MYOZ2: variants seen among roughly 807,000 people sequenced by gnomAD.
MYOZ2 encodes myozenin 2.
MYOZ2 carries 19 observed loss-of-function variants against 25.4 expected under a neutral mutation model. That is an observed-to-expected ratio of 0.75 (90% CI 0.52 to 1.10). The LOEUF (loss-of-function observed/expected upper bound fraction) is 1.10, where lower values mean the gene tolerates loss of function less well. MYOZ2 is among the 50% of genes least tolerant of loss of function. MYOZ2 has a pLI of 0.00. For synonymous variants in MYOZ2, 92 were observed against 106.9 expected (o/e 0.86, Z 0.86); for missense variants, 270 against 317.9 (o/e 0.85, Z 1.15).
intron 3 of MYOZ2, among the ~76,000 whole-genome samples, chr4:119,156,267 A>G (rs181024611): frequency 2.0e-5 from 3 of 151,812 alleles, no homozygotes; most frequent in African/African-American, 7.2e-5. Context: ...GATCAAAGGT[A>G]GAAAGGTGGA....
intron 5 of MYOZ2, among the ~76,000 whole-genome samples, chr4:119,178,695 C>T (rs571826458): frequency 6.6e-6 from 1 of 152,272 alleles, no homozygotes; most frequent in East Asian, 1.9e-4. Context: ...CAATCTCTGC[C>T]TCCTGGATTC....
intron 5 of MYOZ2, among the ~76,000 whole-genome samples, chr4:119,167,510 C>G (rs1299425229): frequency 6.6e-6 from 1 of 152,148 alleles, no homozygotes; most frequent in Non-Finnish European, 1.5e-5. Context: ...AGCAAATTAT[C>G]CAGAAGATCT....
Position 119,151,590 on chromosome 4 carries a change from G to A in MYOZ2, c.246+549G>A, listed in dbSNP as rs11728111. Among the ~76,000 whole-genome samples the A allele has an allele frequency of 5.5e-3, 839 of 152,134 alleles. 1 individual carries two copies. The highest frequency in any genetic ancestry group is 8.8e-3 in the Non-Finnish European group (595 of 67,994). On this transcript the variant is annotated intron_variant, in intron 3 of 5. Coordinates refer to ENST00000307128, the MANE Select transcript of MYOZ2 (RefSeq NM_016599.5). ...TGGACAGAGATTTCCCCAACTCAAA[G>A]CTAATAAACAAACAAAAATTAAACT...
At chr4:119,167,872 T>C (rs1244619260) in intron 5 of MYOZ2, among the ~76,000 whole-genome samples, 1 of 152,264 alleles carries the variant, frequency 6.6e-6, no homozygotes, top group Admixed American at 6.5e-5. Flanking sequence ...TCTTGAGACC[T>C]ATTGCTCAGA....
intron 3 of MYOZ2, among the ~76,000 whole-genome samples, chr4:119,151,653 A>G (rs1741452261): frequency 6.6e-6 from 1 of 152,196 alleles, no homozygotes; most frequent in Non-Finnish European, 1.5e-5. Flanking sequence ...ATTCACTTAA[A>G]CTGTCATTTA....
chr4:119,165,523 TAAATA>T (rs1741804410), intron 5 of MYOZ2, among the ~76,000 whole-genome samples: 2 of 151,768 alleles, frequency 1.3e-5, no homozygotes, highest in South Asian at 2.1e-4. Flanking sequence ...AAATAATAAA[TAAATA>T]AAATAAATAA....
chr4:119,166,600 A>G (rs1171100344), intron 5 of MYOZ2, among the ~76,000 whole-genome samples: 2 of 152,192 alleles, frequency 1.3e-5, no homozygotes, highest in South Asian at 2.1e-4. Context: ...TTAAAAAACA[A>G]CTAAACAGTA....
At chr4:119,151,133 T>C in intron 3 of MYOZ2, 92 bp downstream of exon 3, 1 of 1,313,048 alleles carries the variant, frequency 7.6e-7, no homozygotes, top group African/African-American at 1.5e-5. Context: ...GTATTCTATA[T>C]ATTTTCTTTC....
At chr4:119,174,483 T>C (rs1246640518) in intron 5 of MYOZ2, among the ~76,000 whole-genome samples, 2 of 151,790 alleles carry the variant, frequency 1.3e-5, no homozygotes, top group African/African-American at 2.4e-5. Context: ...GCACCCTGTG[T>C]TTAGCTTAGG....
intron 3 of MYOZ2, 143 bp downstream of exon 3, chr4:119,151,184 T>A: frequency 1.2e-6 from 1 of 851,460 alleles, no homozygotes; most frequent in Non-Finnish European, 1.8e-6. Context: ...TCATAATGAA[T>A]AGTTTAGGTG....
intron 4 of MYOZ2, among the ~76,000 whole-genome samples, chr4:119,158,646 T>C (rs1741640089): frequency 6.6e-6 from 1 of 152,194 alleles, no homozygotes; most frequent in Admixed American, 6.5e-5. Context: ...TAGCCATACG[T>C]TCTTTGTTTT....
intron 5 of MYOZ2, among the ~76,000 whole-genome samples, chr4:119,173,902 C>CCGGGGCAATGAGGGA (rs1741996827): frequency 6.6e-6 from 1 of 152,348 alleles, no homozygotes; most frequent in African/African-American, 2.4e-5. Context: ...CCCTGCCGGC[C>CCGGGGCAATGAGGGA]CGGGGCAATG....
At chr4:119,141,168 C>G (rs1392959181) in intron 2 of MYOZ2, among the ~76,000 whole-genome samples, 1 of 152,106 alleles carries the variant, frequency 6.6e-6, no homozygotes, top group African/African-American at 2.4e-5. Flanking sequence ...AATCAATAAG[C>G]CCACCCTAAA....
intron 5 of MYOZ2, among the ~76,000 whole-genome samples, chr4:119,177,442 T>A (rs1164110398): frequency 6.6e-6 from 1 of 152,182 alleles, no homozygotes; most frequent in African/African-American, 2.4e-5. Context: ...AAGACAATTT[T>A]CTAGGACAAT....
chr4:119,179,331 A>G (rs1305846002), intron 5 of MYOZ2, among the ~76,000 whole-genome samples: 1 of 152,164 alleles, frequency 6.6e-6, no homozygotes, highest in Non-Finnish European at 1.5e-5. Flanking sequence ...TTTTCAGCAG[A>G]TCATTCCTTC....
At chr4:119,140,695 C>T (rs1393110439) in intron 2 of MYOZ2, among the ~76,000 whole-genome samples, 2 of 152,156 alleles carry the variant, frequency 1.3e-5, no homozygotes, top group Non-Finnish European at 2.9e-5. Flanking sequence ...TCCTAACTTT[C>T]TTTGAAGGCT....
chr4:119,162,887 A>G (rs1050993991), intron 4 of MYOZ2, among the ~76,000 whole-genome samples: 10 of 152,232 alleles, frequency 6.6e-5, no homozygotes, highest in Non-Finnish European at 1.0e-4. Flanking sequence ...AATATATTAG[A>G]AAATGGCTAC....
chr4:119,155,446 A>C (rs2149222710), intron 3 of MYOZ2, among the ~76,000 whole-genome samples: 1 of 152,314 alleles, frequency 6.6e-6, no homozygotes, highest in South Asian at 2.1e-4. Flanking sequence ...GATAATACAG[A>C]ATATGGAGAC....
intron 3 of MYOZ2, 70 bp from the exon 4 acceptor site, chr4:119,157,952 C>CAT: frequency 6.5e-7 from 1 of 1,546,740 alleles, no homozygotes; most frequent in East Asian, 2.2e-5. Flanking sequence ...TGAAGTTTTG[C>CAT]ATATATAGCT....
Sources: gnomAD v4.1 joint callset for allele counts (sites outside exome capture counted in the v4.1 genomes callset) on GRCh38, gnomAD v4.1.1 for gene constraint, MANE v1.5 for transcripts, NCBI Gene and HGNC (gene_info 2026-07-23, HGNC 2026-07-21) for gene names.